The following PANK1 variants were observed in gnomAD, a reference collection of about 807,000 sequenced individuals.
PANK1 encodes the protein pantothenate kinase 1.
PANK1 carries 18 observed loss-of-function variants against 40.1 expected under a neutral mutation model. That is an observed-to-expected ratio of 0.45 (90% CI 0.31 to 0.67). The LOEUF (loss-of-function observed/expected upper bound fraction) is 0.67, where lower values mean the gene tolerates loss of function less well. PANK1 is among the 30% of genes least tolerant of loss of function. The probability of loss-of-function intolerance (pLI) is 0.06; values close to 1 mark genes in which losing one functional copy is unlikely to be tolerated. For missense variants in PANK1, 457 were observed against 599.6 expected, an observed-to-expected ratio of 0.76 and a Z score of 2.48; for synonymous variants, 242 against 237.7, an observed-to-expected ratio of 1.02 and a Z score of -0.17.
At position 89,593,893 on chromosome 10, in the gene PANK1, G is replaced by A; in HGVS notation, c.996C>T (p.Thr332=). ...ALEMAAKGDS[T]NVDKLVKDIY... is the part of the protein sequence containing the mutation. ...TGTCCTTCACCAGTTTATCAACATT[G>A]GTGCTGTCGCCTTTAGCTGCCATTT... The change falls in exon 4 of 7, where the codon ACC becomes ACT. Residue 332 remains threonine, a synonymous_variant. Coordinates refer to ENST00000307534, the MANE Select transcript of PANK1 (RefSeq NM_148977.3). 2.5e-6 allele frequency: 4 copies of A among 1,613,698 alleles called. No individual in the cohort carries two copies. The highest frequency in any genetic ancestry group is 3.4e-6 in the Non-Finnish European group (4 of 1,179,616).
chr10:89,617,557 C>T (rs763692302), intron 1 of PANK1, among the ~76,000 whole-genome samples: 167 of 152,304 alleles, frequency 1.1e-3, no homozygotes, highest in Middle Eastern at 3.4e-3. Flanking sequence ...GCAGCTGCTT[C>T]TCCTTCCCAA....
In PANK1 at chr10:89,644,672, G is replaced by T. The variant is rs758636418; in HGVS notation, c.220C>A (p.Pro74Thr). 3.2e-6 allele frequency: 5 copies of T among 1,567,178 alleles called. No individual in the cohort carries two copies. In the South Asian group the frequency reaches 5.8e-5, roughly 18 times the overall value. The change falls in exon 1 of 7, where the codon CCT becomes ACT. Residue 74 changes from proline (P) to threonine (T), a missense_variant. This residue lies in a region of PANK1 where 144 missense variants were observed against 131.2 expected (regional missense o/e 1.10). Transcript: ENST00000307534. ...TTCTTGGCCGGGGAGTCATGCTGAG[G>T]GAGCAGTGGCTGCGGCTGCAGCTCC... is the stretch of plus-strand genomic sequence containing the variant. The part of the protein sequence containing the change: ...LPELQPQPLL[P>T]QHDSPAKKCR...
chr10:89,600,057 T>A (rs949250137), intron 2 of PANK1, among the ~76,000 whole-genome samples: 5 of 152,186 alleles, frequency 3.3e-5, no homozygotes, highest in African/African-American at 1.2e-4. Context: ...AGGCAAAGAA[T>A]GGCATCTCCC....
At chr10:89,592,893 C>T (rs17481096) in intron 5 of PANK1, 45,227 of 533,592 alleles carry the variant, frequency 0.085, 2,246 homozygotes, top group Admixed American at 0.12. Flanking sequence ...AGACCTTTTC[C>T]TCACATTTCA....
chr10:89,591,091 G>A (rs1401781978), intron 5 of PANK1, among the ~76,000 whole-genome samples: 1 of 151,858 alleles, frequency 6.6e-6, no homozygotes, highest in African/African-American at 2.4e-5. Flanking sequence ...AGTATATGGA[G>A]GGTGAATTGT....
chr10:89,625,166 G>T (rs1270069948), intron 1 of PANK1, among the ~76,000 whole-genome samples: 1 of 152,212 alleles, frequency 6.6e-6, no homozygotes, highest in Admixed American at 6.5e-5. Context: ...CTCCCAAAGT[G>T]CTGGAATTAC....
chr10:89,593,395 G>A (rs1844463778), intron 4 of PANK1, 75 bp from the exon 5 acceptor site: 2 of 1,525,046 alleles, frequency 1.3e-6, no homozygotes, highest in East Asian at 4.6e-5. Flanking sequence ...AAGTATTGTG[G>A]AAGGCTCTAC....
At position 89,612,067 on chromosome 10, in the gene PANK1, G is replaced by A. The variant is rs1161213657; in HGVS notation, c.293-19C>T. On this transcript the variant is annotated intron_variant, in intron 1 of 6. Coordinates refer to ENST00000307534, the MANE Select transcript of PANK1 (RefSeq NM_148977.3). ...GGGAATGCTAAAGGACAGAAAGAAA[G>A]AGTGCTGCTGAATGCTATGCGTGCA... 1 of 1,593,872 alleles carries A rather than the reference G, an allele frequency of 6.3e-7. No homozygotes were observed.
intron 6 of PANK1, among the ~76,000 whole-genome samples, chr10:89,587,122 CAA>C (rs368375029): frequency 7.7e-6 from 1 of 129,616 alleles, no homozygotes. Flanking sequence ...GACTCTGTCT[CAA>C]AAAAAAAAAA....
At chr10:89,594,752 C>G (rs1446616787) in intron 3 of PANK1, among the ~76,000 whole-genome samples, 2 of 152,140 alleles carry the variant, frequency 1.3e-5, no homozygotes, top group Admixed American at 1.3e-4. Flanking sequence ...GAAAGTTCCT[C>G]TAAAACAGCC....
intron 2 of PANK1, among the ~76,000 whole-genome samples, chr10:89,606,421 GCTT>G (rs1401816396): frequency 6.6e-6 from 1 of 152,206 alleles, no homozygotes; most frequent in African/African-American, 2.4e-5. Flanking sequence ...GCTTGCTGCA[GCTT>G]CTACATTGCA....
intron 1 of PANK1, among the ~76,000 whole-genome samples, chr10:89,643,366 C>A (rs1021297974): frequency 1.3e-5 from 2 of 152,176 alleles, no homozygotes; most frequent in Admixed American, 6.5e-5. Context: ...TAGATTACAA[C>A]CTTACACCTT....
At chr10:89,592,812 A>G in intron 5 of PANK1, 1 of 536,532 alleles carries the variant, frequency 1.9e-6, no homozygotes, top group Non-Finnish European at 3.8e-6. Flanking sequence ...ACTGTAAAGA[A>G]GCTGAAAGCA....
rs1448665998 is a variant in PANK1, at chr10:89,645,118, A to G, written c.-227T>C. On this transcript the variant is annotated 5_prime_UTR_variant, in exon 1 of 7. Transcript: ENST00000307534. The stretch of plus-strand genomic sequence containing the variant: ...CGCCGGCCCCACGGCGCCGGCCTGG[A>G]GCACGCCAGCCCCGGGCGCGGAATC... 26 of 1,493,992 alleles carry G rather than the reference A, an allele frequency of 1.7e-5. No individual in the cohort carries two copies. The highest frequency in any genetic ancestry group is 2.3e-5 in the Non-Finnish European group (26 of 1,126,594). The allele number at this position is 1,493,992 out of a possible 1,614,324, so 92.5% of individuals were successfully genotyped here.
intron 6 of PANK1, among the ~76,000 whole-genome samples, chr10:89,584,785 T>C (rs1307357168): frequency 1.3e-5 from 2 of 152,200 alleles, no homozygotes; most frequent in African/African-American, 2.4e-5. Context: ...ATATGAGAAA[T>C]GGAAGGTAAT....
chr10:89,584,208 A>C lies in PANK1; in HGVS notation c.*198T>G, dbSNP rs979849643. The C allele has an allele frequency of 1.6e-5, 8 of 506,734 alleles. No homozygotes were observed. The allele number at this position is 506,734 out of a possible 1,614,324, so 31.4% of individuals were successfully genotyped here. On this transcript the variant is annotated 3_prime_UTR_variant, in exon 7 of 7. Transcript: ENST00000307534. ...ACAGTATACAGAAAAAAAACCTTTT[A>C]TATTCCCCCGTTTTGAATCATTAGC...
intron 1 of PANK1, among the ~76,000 whole-genome samples, chr10:89,621,422 C>A (rs149978644): frequency 4.3e-4 from 66 of 152,086 alleles, no homozygotes; most frequent in African/African-American, 1.3e-3. Flanking sequence ...GATAGTATAA[C>A]AAAATTATTT....
intron 1 of PANK1, among the ~76,000 whole-genome samples, chr10:89,633,010 T>C (rs12771413): frequency 0.18 from 27,358 of 152,146 alleles, 2,866 homozygotes; most frequent in East Asian, 0.35. Context: ...TACTGATACC[T>C]GCTGGGACTT....
intron 1 of PANK1, among the ~76,000 whole-genome samples, chr10:89,619,896 G>A (rs1845427735): frequency 6.6e-6 from 1 of 152,172 alleles, no homozygotes; most frequent in South Asian, 2.1e-4. Context: ...TGAATGGAGG[G>A]ACCCTGCAGC....
Sources: gnomAD v4.1 joint callset for allele counts (sites outside exome capture counted in the v4.1 genomes callset) on GRCh38, gnomAD v4.1.1 for gene constraint, gnomAD v4.1.1 regional missense constraint, MANE v1.5 for transcripts, NCBI Gene and HGNC (gene_info 2026-07-23, HGNC 2026-07-21) for gene names.